The following BAIAP2 variants were observed in gnomAD, a reference collection of about 807,000 sequenced individuals.
BAIAP2 encodes the protein BAR/IMD domain-containing adapter protein 2.
In BAIAP2, 18 loss-of-function variants were observed where a neutral mutation model predicts 63.0. That is an observed-to-expected ratio of 0.29 (90% CI 0.20 to 0.42). The LOEUF (loss-of-function observed/expected upper bound fraction) is 0.42. Among genes scored for constraint, BAIAP2 ranks in the 10% least tolerant of loss-of-function variants. The pLI, the probability that BAIAP2 is intolerant of heterozygous loss-of-function variation, is 1.00. For missense variants in BAIAP2, 610 were observed against 734.3 expected (o/e 0.83, Z 1.96); for synonymous variants, 386 against 307.6 (o/e 1.25, Z -2.67).
intron 1 of BAIAP2, chr17:81,053,428 G>T: frequency 1.8e-6 from 1 of 550,578 alleles, no homozygotes; most frequent in Non-Finnish European, 3.2e-6. Flanking sequence ...CTCTGCGGCC[G>T]GGTTTCTTCT....
chr17:81,110,182 C>G, intron 13 of BAIAP2: 1 of 985,712 alleles, frequency 1.0e-6, no homozygotes, highest in African/African-American at 1.7e-5. Context: ...GTAAAAGCCT[C>G]CCACACACCT....
At chr17:81,079,836 G>GT (rs2054295075) in intron 3 of BAIAP2, among the ~76,000 whole-genome samples, 1 of 152,200 alleles carries the variant, frequency 6.6e-6, no homozygotes, top group Non-Finnish European at 1.5e-5. Context: ...CTCCCAGTGA[G>GT]TGGGGGGCAT....
At chr17:81,114,676 C>T (rs1418181954) in intron 13 of BAIAP2, among the ~76,000 whole-genome samples, 1 of 152,226 alleles carries the variant, frequency 6.6e-6, no homozygotes, top group Admixed American at 6.5e-5. Flanking sequence ...TCTTAGAAAA[C>T]ACAAAGTCCT....
intron 4 of BAIAP2, 94 bp downstream of exon 4, chr17:81,084,987 C>T: frequency 1.5e-6 from 2 of 1,295,760 alleles, no homozygotes; most frequent in Non-Finnish European, 2.2e-6. Flanking sequence ...TGGGAACAGT[C>T]CCAGTTGTCC....
intron 7 of BAIAP2, among the ~76,000 whole-genome samples, chr17:81,101,325 C>A (rs961628298): frequency 6.6e-6 from 1 of 151,992 alleles, no homozygotes; most frequent in African/African-American, 2.4e-5. Context: ...CAAGGGGATC[C>A]CCTCCTAGGA....
chr17:81,056,947 T>TTGCGTTTTTCTGCTGTTGCGTTTTTC (rs1312343987), intron 2 of BAIAP2, among the ~76,000 whole-genome samples: 4 of 152,260 alleles, frequency 2.6e-5, no homozygotes, highest in Non-Finnish European at 5.9e-5. Flanking sequence ...TTTTCTTTTG[T>TTGCGTTTTTCTGCTGTTGCGTTTTTC]TCGAGGCAGC....
chr17:81,092,298 C>G (rs572962858), intron 6 of BAIAP2, among the ~76,000 whole-genome samples: 1 of 152,262 alleles, frequency 6.6e-6, no homozygotes, highest in Admixed American at 6.5e-5. Flanking sequence ...CCTACGAGGC[C>G]GAGGCCCCCG....
chr17:81,075,434 G>A lies in BAIAP2; in HGVS notation c.218-9398G>A, dbSNP rs376745678. 6.0e-4 allele frequency among the ~76,000 whole-genome samples: 91 copies of A among 152,294 alleles called. No individual in the cohort carries two copies. In the South Asian group the frequency reaches 0.012, roughly 21 times the overall value. Reference sequence around the variant, plus strand: ...TGAAGCGATCGGAAGGAGCTCGGCCGTCGCCTCAAGTGGGCCGCCTTCCGG... The same window carrying A: ...TGAAGCGATCGGAAGGAGCTCGGCCATCGCCTCAAGTGGGCCGCCTTCCGG... On this transcript the variant is annotated intron_variant, in intron 3 of 13. Coordinates refer to ENST00000428708, the MANE Select transcript of BAIAP2 (RefSeq NM_001144888.2).
intron 1 of BAIAP2, chr17:81,036,810 G>C: frequency 7.0e-7 from 1 of 1,423,918 alleles, no homozygotes; most frequent in Non-Finnish European, 9.6e-7. Flanking sequence ...AAGGGAGGGA[G>C]GTTTATTAAA....
chr17:81,106,833 C>A lies in BAIAP2; in HGVS notation c.1426C>A (p.Arg476=), dbSNP rs756312025. The A allele has an allele frequency of 2.5e-6, 4 of 1,610,988 alleles. No individual in the cohort carries two copies. In the African/African-American group the frequency reaches 5.3e-5, roughly 22 times the overall value. ...ACCCCCCGATTACGGCGCCGCCTCC[C>A]GGGCCTTCCCCGCCCAGACGGCCAG... ...IPPPDYGAAS[R]AFPAQTASGF... Residue 476 remains arginine, a synonymous_variant, in exon 12 of 14, where the codon CGG becomes AGG. Transcript: ENST00000428708.
intron 1 of BAIAP2, chr17:81,053,381 C>T (rs925438098): frequency 2.2e-5 from 10 of 449,100 alleles, no homozygotes; most frequent in Non-Finnish European, 4.0e-5. Context: ...CTGCCTGCTG[C>T]ACCATGCAAA....
chr17:81,044,548 C>T (rs769348846), intron 1 of BAIAP2, among the ~76,000 whole-genome samples: 4 of 152,250 alleles, frequency 2.6e-5, no homozygotes, highest in Non-Finnish European at 5.9e-5. Flanking sequence ...CACAGTTGCA[C>T]TGCGCGATGC....
intron 13 of BAIAP2, among the ~76,000 whole-genome samples, chr17:81,113,954 C>T (rs1284631856): frequency 7.0e-6 from 1 of 142,568 alleles, no homozygotes; most frequent in Non-Finnish European, 1.5e-5. Flanking sequence ...TCTCTGGGAA[C>T]CCACTTTTTT....
intron 13 of BAIAP2, among the ~76,000 whole-genome samples, chr17:81,115,467 C>CCT (rs1052398786): frequency 1.5e-4 from 22 of 151,100 alleles, no homozygotes; most frequent in African/African-American, 5.4e-4. Context: ...TTGTGGCTGG[C>CCT]CTGCCCCGCC....
chr17:81,107,899 G>GT (rs1382508183), intron 12 of BAIAP2: 1 of 156,590 alleles, frequency 6.4e-6, no homozygotes, highest in Non-Finnish European at 1.4e-5. Context: ...GAGAGCCAAG[G>GT]AGGGGTCTGC....
intron 13 of BAIAP2, among the ~76,000 whole-genome samples, chr17:81,114,384 C>T (rs1198579306): frequency 6.6e-6 from 1 of 152,038 alleles, no homozygotes; most frequent in Non-Finnish European, 1.5e-5. Flanking sequence ...GCAGACAGGG[C>T]ATGGGCAGAC....
At chr17:81,086,387 C>T in intron 5 of BAIAP2, 56 bp from the exon 6 acceptor site, 2 of 1,592,010 alleles carry the variant, frequency 1.3e-6, no homozygotes, top group South Asian at 1.1e-5. Context: ...TGCCAGTGGT[C>T]CGCGCTGCGT....
chr17:81,103,107 C>T (rs2058711458), intron 7 of BAIAP2, among the ~76,000 whole-genome samples: 1 of 152,214 alleles, frequency 6.6e-6, no homozygotes, highest in Non-Finnish European at 1.5e-5. Flanking sequence ...CCAGGCCTGA[C>T]CCCCACTGGG....
Position 81,116,270 on chromosome 17 carries a change from G to A in BAIAP2, c.*431G>A, listed in dbSNP as rs780691783. On this transcript the variant is annotated 3_prime_UTR_variant, in exon 14 of 14. Coordinates refer to ENST00000428708, the MANE Select transcript of BAIAP2 (RefSeq NM_001144888.2). The stretch of plus-strand genomic sequence containing the variant: ...CCAAGGGCCAGAAGGCCGGGAGCAC[G>A]GGGATGGGAGCGCCCGCACCCTGGC... The A allele has an allele frequency of 5.6e-6, 9 of 1,612,898 alleles. No individual in the cohort carries two copies. The highest frequency in any genetic ancestry group is 5.5e-5 in the South Asian group (5 of 91,090).
Sources: gnomAD v4.1 joint callset for allele counts (sites outside exome capture counted in the v4.1 genomes callset) on GRCh38, gnomAD v4.1.1 for gene constraint, MANE v1.5 for transcripts, NCBI Gene and HGNC (gene_info 2026-07-23, HGNC 2026-07-21) for gene names.